FBXO45: variants seen among roughly 807,000 people sequenced by gnomAD.
The protein encoded by FBXO45 is F-box protein 45.
FBXO45 carries 3 observed loss-of-function variants against 25.5 expected under a neutral mutation model. The observed-to-expected ratio is 0.12, with a 90% CI of 0.05 to 0.30. The LOEUF (loss-of-function observed/expected upper bound fraction) is 0.30. Ranked by LOEUF, FBXO45 falls within the 10% of genes least tolerant of loss-of-function variation. The probability of loss-of-function intolerance (pLI) is 1.00; values close to 1 mark genes in which losing one functional copy is unlikely to be tolerated. For missense variants in FBXO45, 219 were observed against 365.0 expected (o/e 0.60, Z 3.26); for synonymous variants, 155 against 149.8 (o/e 1.03, Z -0.25).
chr3:196,575,914 C>A (rs1011009137), intron 1 of FBXO45, among the ~76,000 whole-genome samples: 1 of 152,102 alleles, frequency 6.6e-6, no homozygotes, highest in African/African-American at 2.4e-5. Context: ...CGAGTTCAGG[C>A]GATTTGCCCA....
rs1192498859 is a variant in FBXO45, at chr3:196,586,940, C to CAAGG, written c.*2624_*2627dup. On this transcript the variant is annotated 3_prime_UTR_variant, in exon 3 of 3. Coordinates refer to ENST00000311630, the MANE Select transcript of FBXO45 (RefSeq NM_001105573.2). Reference sequence around the variant, plus strand: ...CTTGCTCCCTCCCTTCACTACCTCACAAGGATATTGAGGGTAAAGGAGAAA... The same window carrying CAAGG: ...CTTGCTCCCTCCCTTCACTACCTCACAAGGAAGGATATTGAGGGTAAAGGAGAAA... 1.3e-5 allele frequency: 2 copies of CAAGG among 152,002 alleles called. No individual in the cohort carries two copies. The highest frequency in any genetic ancestry group is 2.9e-5 in the Non-Finnish European group (2 of 68,024). 9.4% of individuals were successfully genotyped at this position (152,002 alleles called of 1,614,324 possible).
chr3:196,571,364 A>T (rs1735823626), intron 1 of FBXO45, among the ~76,000 whole-genome samples: 1 of 152,044 alleles, frequency 6.6e-6, no homozygotes, highest in Admixed American at 6.6e-5. Flanking sequence ...AGTAGCTGGC[A>T]CTTCAGTCAT....
intron 1 of FBXO45, among the ~76,000 whole-genome samples, chr3:196,572,060 G>C (rs1735834359): frequency 6.6e-6 from 1 of 152,226 alleles, no homozygotes; most frequent in African/African-American, 2.4e-5. Context: ...TGGAGGATTG[G>C]AGGAGATTTG....
rs1346365844 is a variant in FBXO45 at position 196,584,426 on chromosome 3, C to T, written c.*108C>T. 3 of 984,614 alleles carry T rather than the reference C, an allele frequency of 3.0e-6. No individual in the cohort carries two copies. The highest frequency in any genetic ancestry group is 1.9e-5 in the South Asian group (1 of 51,746). The allele number at this position is 984,614 out of a possible 1,614,324, so 61.0% of individuals were successfully genotyped here. ...GCATGTCCAAGAAACATCCTGAAAA[C>T]ACATGAAGTCGTAAACTGGAGAAGC... On this transcript the variant is annotated 3_prime_UTR_variant, in exon 3 of 3. Transcript: ENST00000311630. This position sits in a 1 kb window ranked among gnomAD's most constrained non-coding sequence, Gnocchi z 4.3.
At chr3:196,571,441 G>C (rs1167868955) in intron 1 of FBXO45, among the ~76,000 whole-genome samples, 1 of 151,836 alleles carries the variant, frequency 6.6e-6, no homozygotes, top group Admixed American at 6.6e-5. Flanking sequence ...GCCTAAGCTG[G>C]TCTCAAACTC....
At chr3:196,570,712 CTTT>C (rs71161937) in intron 1 of FBXO45, among the ~76,000 whole-genome samples, 1 of 99,854 alleles carries the variant, frequency 1.0e-5, no homozygotes, top group Admixed American at 1.2e-4. Context: ...TTTCTTTTTT[CTTT>C]TTTTTTTTTT....
rs1385191457 is a variant in FBXO45 at position 196,588,986 on chromosome 3, T to G, written c.*4668T>G. ...TTTTTATATTTGTTTAGAATTTAAATTAGAATTCTGTATCTTTATTTTTTG... is the reference window on the plus strand; with the variant it reads ...TTTTTATATTTGTTTAGAATTTAAAGTAGAATTCTGTATCTTTATTTTTTG... On this transcript the variant is annotated 3_prime_UTR_variant, in exon 3 of 3. Coordinates refer to ENST00000311630, the MANE Select transcript of FBXO45 (RefSeq NM_001105573.2). The surrounding 1 kb of genome is among the most constrained non-coding windows in gnomAD (Gnocchi z 4.2). The G allele has an allele frequency of 6.6e-6, 1 of 152,238 alleles. No individual in the cohort carries two copies. The highest frequency in any genetic ancestry group is 2.4e-5 in the African/African-American group (1 of 41,458). 9.4% of individuals were successfully genotyped at this position (152,238 alleles called of 1,614,324 possible).
At chr3:196,574,861 CAAG>C (rs1735886640) in intron 1 of FBXO45, among the ~76,000 whole-genome samples, 1 of 152,054 alleles carries the variant, frequency 6.6e-6, no homozygotes. Flanking sequence ...ATACTTTCAG[CAAG>C]AAGAACATCA....
intron 2 of FBXO45, among the ~76,000 whole-genome samples, chr3:196,583,021 T>C (rs1736040326): frequency 6.6e-6 from 1 of 152,170 alleles, no homozygotes; most frequent in African/African-American, 2.4e-5. Flanking sequence ...CATTCCCTAT[T>C]TCCTTCACTC....
intron 2 of FBXO45, among the ~76,000 whole-genome samples, chr3:196,579,314 C>G (rs150171564): frequency 6.6e-6 from 1 of 152,260 alleles, no homozygotes; most frequent in East Asian, 1.9e-4. Context: ...GCAGAAGAAC[C>G]AAAAATACAT....
Position 196,577,448 on chromosome 3 carries a change from T to C in FBXO45, c.319-5T>C. ...ATTTATTTGGTCTGTTTTTCATCTT[T>C]TTAGATACGTGCTTTTCAACATGCC... On this transcript the variant is annotated splice_polypyrimidine_tract_variant and splice_region_variant and intron_variant, in intron 1 of 2. Transcript: ENST00000311630. The C allele has an allele frequency of 6.4e-7, 1 of 1,551,940 alleles. No homozygotes were observed. Among genetic ancestry groups the C allele is most frequent in the Non-Finnish European group, 8.8e-7 (1 of 1,138,340 alleles).
intron 1 of FBXO45, among the ~76,000 whole-genome samples, chr3:196,575,598 CTT>C (rs966360579): frequency 6.6e-6 from 1 of 151,610 alleles, no homozygotes; most frequent in African/African-American, 2.4e-5. Flanking sequence ...ATATTATTCT[CTT>C]GAGTTATTTA....
At chr3:196,583,853 A>C (rs1265098356) in intron 2 of FBXO45, among the ~76,000 whole-genome samples, 1 of 152,102 alleles carries the variant, frequency 6.6e-6, no homozygotes, top group Non-Finnish European at 1.5e-5. Context: ...ATGGGTTTTC[A>C]CCATGTTGCC....
intron 1 of FBXO45, among the ~76,000 whole-genome samples, chr3:196,575,274 G>T (rs1439206754): frequency 6.6e-6 from 1 of 152,068 alleles, no homozygotes; most frequent in Non-Finnish European, 1.5e-5. Context: ...TGGCCAACAT[G>T]GTGAAACCCT....
chr3:196,582,390 T>C (rs529427615), intron 2 of FBXO45, among the ~76,000 whole-genome samples: 1 of 152,304 alleles, frequency 6.6e-6, no homozygotes, highest in Admixed American at 6.5e-5. Flanking sequence ...TGGAGGTTCT[T>C]AGATCCATAA....
intron 2 of FBXO45, among the ~76,000 whole-genome samples, chr3:196,579,453 C>T (rs1735972600): frequency 6.6e-6 from 1 of 152,152 alleles, no homozygotes; most frequent in South Asian, 2.1e-4. Flanking sequence ...GAAGTCCTGT[C>T]GCCACCCTTG....
intron 2 of FBXO45, among the ~76,000 whole-genome samples, chr3:196,578,220 A>G (rs765906905): frequency 2.0e-5 from 3 of 151,768 alleles, no homozygotes; most frequent in Non-Finnish European, 2.9e-5. Context: ...TATTTTTAGT[A>G]GAGACAGGGT....
intron 2 of FBXO45, among the ~76,000 whole-genome samples, chr3:196,578,359 T>A (rs555455169): frequency 4.6e-4 from 70 of 152,304 alleles, no homozygotes; most frequent in African/African-American, 1.5e-3. Context: ...TGACCATTTT[T>A]AAATAAATGT....
intron 1 of FBXO45, among the ~76,000 whole-genome samples, chr3:196,570,224 C>T (rs1409726146): frequency 6.6e-6 from 1 of 150,896 alleles, no homozygotes; most frequent in Non-Finnish European, 1.5e-5. Flanking sequence ...ATGTGTTAAA[C>T]ATAATGAATG....
Sources: gnomAD v4.1 joint callset for allele counts (sites outside exome capture counted in the v4.1 genomes callset) on GRCh38, gnomAD v4.1.1 for gene constraint, Gnocchi (gnomAD v3.1) non-coding constraint, MANE v1.5 for transcripts, NCBI Gene and HGNC (gene_info 2026-07-23, HGNC 2026-07-21) for gene names.